The following RAD17 variants were observed in gnomAD, a reference collection of about 807,000 sequenced individuals.
RAD17 encodes the protein RAD17 checkpoint clamp loader component, also known as cell cycle checkpoint protein RAD17.
RAD17 carries 31 observed loss-of-function variants against 81.5 expected under a neutral mutation model. The observed-to-expected ratio is 0.38, with a 90% CI of 0.29 to 0.51. The LOEUF is 0.51. RAD17 is among the 20% of genes least tolerant of loss of function. The probability of loss-of-function intolerance (pLI) is 0.88; values close to 1 mark genes in which losing one functional copy is unlikely to be tolerated. For missense variants in RAD17, 681 were observed against 781.2 expected, an observed-to-expected ratio of 0.87 and a Z score of 1.53; for synonymous variants, 261 against 266.2, an observed-to-expected ratio of 0.98 and a Z score of 0.19.
At chr5:69,380,620 A>G (rs1215572348) in intron 6 of RAD17, among the ~76,000 whole-genome samples, 6 of 152,072 alleles carry the variant, frequency 3.9e-5, no homozygotes, top group Non-Finnish European at 8.8e-5. Flanking sequence ...ATTATAGCCT[A>G]CCATTGTATG....
intron 4 of RAD17, among the ~76,000 whole-genome samples, chr5:69,372,706 C>T (rs1411026483): frequency 6.6e-6 from 1 of 151,860 alleles, no homozygotes; most frequent in African/African-American, 2.4e-5. Flanking sequence ...TGACCTCCCG[C>T]GCTCAAGTGA....
At chr5:69,378,386 A>C (rs1763643120) in intron 6 of RAD17, among the ~76,000 whole-genome samples, 1 of 152,198 alleles carries the variant, frequency 6.6e-6, no homozygotes, top group Non-Finnish European at 1.5e-5. Flanking sequence ...TAGTTCTCTT[A>C]CTGGAAGGGA....
intron 18 of RAD17, 86 bp from the exon 19 acceptor site, chr5:69,413,945 A>G: frequency 6.8e-7 from 1 of 1,480,426 alleles, no homozygotes; most frequent in Non-Finnish European, 9.1e-7. Context: ...TAAATGAAAG[A>G]TGGCTTCATA....
At chr5:69,381,302 A>C (rs1166641669) in intron 6 of RAD17, among the ~76,000 whole-genome samples, 1 of 151,634 alleles carries the variant, frequency 6.6e-6, no homozygotes, top group Non-Finnish European at 1.5e-5. Flanking sequence ...AACACGGTGA[A>C]ACCCTGTCTC....
chr5:69,413,641 TCTC>T (rs1561282469), intron 18 of RAD17, among the ~76,000 whole-genome samples: 1 of 152,124 alleles, frequency 6.6e-6, no homozygotes, highest in East Asian at 2.0e-4. Flanking sequence ...TTCAAACAAT[TCTC>T]CTGCCTCAGC....
intron 18 of RAD17, among the ~76,000 whole-genome samples, chr5:69,410,963 G>GTATATATATA (rs1245435076): frequency 2.5e-4 from 1 of 3,984 alleles, no homozygotes; most frequent in African/African-American, 5.7e-4. Flanking sequence ...ATAGATGTCT[G>GTATATATATA]TCTATATATA....
chr5:69,372,172 A>G lies in RAD17; in HGVS notation c.-37A>G, dbSNP rs772639132. 5.0e-6 allele frequency: 8 copies of G among 1,605,320 alleles called. No homozygotes were observed. In the East Asian group the frequency reaches 1.3e-4, roughly 27 times the overall value. On this transcript the variant is annotated 5_prime_UTR_variant, in exon 4 of 19. Transcript: ENST00000354868. ...AAAAATATAGAGGAAAGGGGCCAAG[A>G]TTATAGTACCAGTCACAATCTTTTG...
At position 69,381,184 on chromosome 5, in the gene RAD17, A is replaced by G. The variant is rs528482973; in HGVS notation, c.352-717A>G. On this transcript the variant is annotated intron_variant, in intron 6 of 18. Coordinates refer to ENST00000354868, the MANE Select transcript of RAD17 (RefSeq NM_133338.3). The stretch of plus-strand genomic sequence containing the variant: ...TTATATCATCCAATGAGATGTCTAT[A>G]TTAAGAATAAATTTTGCTGGGAGCG... Among the ~76,000 whole-genome samples the G allele has an allele frequency of 3.9e-5, 6 of 152,272 alleles. No homozygotes were observed. In the South Asian group the frequency reaches 1.2e-3, roughly 32 times the overall value.
chr5:69,404,565 C>T (rs777233597), intron 17 of RAD17, among the ~76,000 whole-genome samples: 1 of 151,898 alleles, frequency 6.6e-6, no homozygotes, highest in Non-Finnish European at 1.5e-5. Flanking sequence ...GTCAGGAGAT[C>T]GAGACCAGCC....
chr5:69,388,645 T>A (rs17229992), intron 11 of RAD17, among the ~76,000 whole-genome samples: 172 of 152,272 alleles, frequency 1.1e-3, no homozygotes, highest in African/African-American at 4.0e-3. Context: ...CTGGCTCTAT[T>A]GCCCAGGCTG....
chr5:69,371,247 A>C (rs1450171277), intron 2 of RAD17, 76 bp downstream of exon 2: 4 of 566,404 alleles, frequency 7.1e-6, no homozygotes, highest in Non-Finnish European at 1.3e-5. Context: ...AAAACTCTTA[A>C]CACCACAAGT....
In RAD17 at chr5:69,369,824, C is replaced by T. The variant is rs1473554919; in HGVS notation, c.-526C>T. On this transcript the variant is annotated 5_prime_UTR_variant, in exon 1 of 19. Transcript: ENST00000354868. ...GGAAGGTCCCCGGGAGGCCGTACCTCCGAGAGGCTCGGCGTTGAGCCCGGG... is the reference window on the plus strand; with the variant it reads ...GGAAGGTCCCCGGGAGGCCGTACCTTCGAGAGGCTCGGCGTTGAGCCCGGG... 1 of 1,021,270 alleles carries T rather than the reference C, an allele frequency of 9.8e-7. No individual in the cohort carries two copies. The highest frequency in any genetic ancestry group is 1.6e-5 in the African/African-American group (1 of 61,118). The allele number at this position is 1,021,270 out of a possible 1,614,324, so 63.3% of individuals were successfully genotyped here.
intron 8 of RAD17, among the ~76,000 whole-genome samples, 172 bp downstream of exon 8, chr5:69,385,105 G>A (rs1014844439): frequency 8.6e-5 from 13 of 151,362 alleles, no homozygotes; most frequent in African/African-American, 2.2e-4. Context: ...GACTACAGGC[G>A]CCCGCCACCA....
chr5:69,374,591 A>G (rs746793900), intron 5 of RAD17, 37 bp from the exon 6 acceptor site: 1 of 1,509,204 alleles, frequency 6.6e-7, no homozygotes, highest in Admixed American at 1.9e-5. Context: ...ATCTTCAGTT[A>G]AGAAGTTTTG....
chr5:69,414,555 T>G lies in RAD17; in HGVS notation c.*263T>G. 2.0e-6 allele frequency: 1 copy of G among 494,126 alleles called. No individual in the cohort carries two copies. Among genetic ancestry groups the G allele is most frequent in the Non-Finnish European group, 3.6e-6 (1 of 280,672 alleles). 30.6% of individuals were successfully genotyped at this position (494,126 alleles called of 1,614,324 possible). ...AGCGGTCAGTGTGTATAAAGTGTGT[T>G]TGAACATTATGCCAAATATCAAGAT... On this transcript the variant is annotated 3_prime_UTR_variant, in exon 19 of 19. Coordinates refer to ENST00000354868, the MANE Select transcript of RAD17 (RefSeq NM_133338.3).
intron 10 of RAD17, 34 bp from the exon 11 acceptor site, chr5:69,386,362 T>C: frequency 6.3e-7 from 1 of 1,580,770 alleles, no homozygotes; most frequent in Non-Finnish European, 8.6e-7. Context: ...TTTAAATTAA[T>C]CATTTAACTG....
Position 69,371,577 on chromosome 5 carries a change from C to A in RAD17, c.-176+20C>A. On this transcript the variant is annotated intron_variant, in intron 3 of 18. Transcript: ENST00000354868. ...ACAAAGGTATGATACACTGGAATGG[C>A]CATGTAATAATTGCCTTAAAATAAT... The A allele has an allele frequency of 7.5e-7, 1 of 1,339,720 alleles. No homozygotes were observed. The highest frequency in any genetic ancestry group is 9.8e-7 in the Non-Finnish European group (1 of 1,016,104). 83.0% of individuals were successfully genotyped at this position (1,339,720 alleles called of 1,614,324 possible). A position where few individuals can be genotyped will look rare whatever the true frequency, so the allele number is the denominator to read the frequency against.
At chr5:69,386,618 T>TA (rs2150816483) in intron 11 of RAD17, among the ~76,000 whole-genome samples, 153 bp downstream of exon 11, 1 of 152,298 alleles carries the variant, frequency 6.6e-6, no homozygotes, top group South Asian at 2.1e-4. Context: ...ATGTAGGAAA[T>TA]ACTGATTTTA....
At chr5:69,412,988 A>G (rs1766106185) in intron 18 of RAD17, among the ~76,000 whole-genome samples, 1 of 151,932 alleles carries the variant, frequency 6.6e-6, no homozygotes, top group Non-Finnish European at 1.5e-5. Context: ...CTGTCTCAAA[A>G]AAAAAAAAAG....
Sources: gnomAD v4.1 joint callset for allele counts (sites outside exome capture counted in the v4.1 genomes callset) on GRCh38, gnomAD v4.1.1 for gene constraint, MANE v1.5 for transcripts, NCBI Gene and HGNC (gene_info 2026-07-23, HGNC 2026-07-21) for gene names.